KCNAB2: variants seen among roughly 807,000 people sequenced by gnomAD.
KCNAB2 encodes the protein voltage-gated potassium channel subunit beta-2.
KCNAB2 carries 29 observed loss-of-function variants against 63.6 expected under a neutral mutation model. The observed-to-expected ratio is 0.46, with a 90% CI of 0.34 to 0.62. The LOEUF (loss-of-function observed/expected upper bound fraction) is 0.62, where lower values mean the gene tolerates loss of function less well. KCNAB2 is among the 20% of genes least tolerant of loss of function. The probability of loss-of-function intolerance (pLI) is 0.01; values close to 1 mark genes in which losing one functional copy is unlikely to be tolerated. For synonymous variants in KCNAB2, 222 were observed against 224.2 expected, an observed-to-expected ratio of 0.99 and a Z score of 0.09; for missense variants, 359 against 563.9, an observed-to-expected ratio of 0.64 and a Z score of 3.68.
Position 6,097,362 on chromosome 1 carries a change from G to C in KCNAB2, c.1158+5G>C. Reference sequence around the variant, plus strand: ...GAGAACATTGGGGCAATACAGGTAAGAGTGAGAGGCCCTGCTGGGCAGAGG... The same window carrying C: ...GAGAACATTGGGGCAATACAGGTAACAGTGAGAGGCCCTGCTGGGCAGAGG... On this transcript the variant is annotated splice_donor_5th_base_variant and intron_variant, in intron 15 of 15. Coordinates refer to ENST00000378083, the MANE Select transcript of KCNAB2 (RefSeq NM_001199862.2). 3 of 1,551,506 alleles carry C rather than the reference G, an allele frequency of 1.9e-6. No homozygotes were observed. The South Asian group carries it at 3.6e-5, about 18-fold the overall frequency.
chr1:6,037,171 AC>A (rs768759537), intron 1 of KCNAB2, among the ~76,000 whole-genome samples: 2 of 152,002 alleles, frequency 1.3e-5, no homozygotes, highest in Admixed American at 1.3e-4. Context: ...AGATTCTTGG[AC>A]CCCCACCCTA....
intron 2 of KCNAB2, among the ~76,000 whole-genome samples, chr1:6,064,107 C>T (rs955203032): frequency 2.6e-5 from 4 of 152,174 alleles, no homozygotes; most frequent in Non-Finnish European, 4.4e-5. Flanking sequence ...GCAGAGAATG[C>T]GTAAGGAAGA....
At position 6,073,656 on chromosome 1, in the gene KCNAB2, G is replaced by A. The variant is rs1201526417; in HGVS notation, c.263-77G>A. 8 of 1,423,340 alleles carry A rather than the reference G, an allele frequency of 5.6e-6. No individual in the cohort carries two copies. The African/African-American group carries it at 7.0e-5, about 13-fold the overall frequency. The allele number at this position is 1,423,340 out of a possible 1,614,324, so 88.2% of individuals were successfully genotyped here. A position where few individuals can be genotyped will look rare whatever the true frequency, so the allele number is the denominator to read the frequency against. On this transcript the variant is annotated intron_variant, in intron 3 of 15. Coordinates refer to ENST00000378083, the MANE Select transcript of KCNAB2 (RefSeq NM_001199862.2). This position sits in a 1 kb window ranked among gnomAD's most constrained non-coding sequence, Gnocchi z 5.7. ...CTGTGGCTGCCCCCTGTGCCCTACAGCCTGAGGTCTGAGCACCGACGGGAT... is the reference window on the plus strand; with the variant it reads ...CTGTGGCTGCCCCCTGTGCCCTACAACCTGAGGTCTGAGCACCGACGGGAT...
chr1:6,080,615 A>T (rs74049393), intron 4 of KCNAB2, among the ~76,000 whole-genome samples: 1,959 of 152,194 alleles, frequency 0.013, 39 homozygotes, highest in African/African-American at 0.045. Context: ...ATGTTTGGGG[A>T]TGAGTGCCAG....
At chr1:6,030,280 G>C (rs1314087806), upstream of KCNAB2, among the ~76,000 whole-genome samples, 3 of 152,174 alleles carry the variant, frequency 2.0e-5, no homozygotes, top group Non-Finnish European at 4.4e-5. Context: ...GTCCAGGTGG[G>C]GTGGCTCTTG....
rs564835464 is a variant in KCNAB2, at chr1:6,025,461, GGAGGGGCCTCCCCAAGAAGGAAT to G, written c.-52-15031_-52-15009del. Among the ~76,000 whole-genome samples, 33 of 152,316 alleles carry G rather than the reference GGAGGGGCCTCCCCAAGAAGGAAT, an allele frequency of 2.2e-4. No homozygotes were observed. The South Asian group carries it at 4.3e-3, about 20-fold the overall frequency. Reference sequence around the variant, plus strand: ...GGCTCAGCAGCTGGCGTAGGAGGGAGGAGGGGCCTCCCCAAGAAGGAATGAGGGGCCTCCCCAAGAAGGAATGG... The same window carrying G: ...GGCTCAGCAGCTGGCGTAGGAGGGAGGAGGGGCCTCCCCAAGAAGGAATGG... On this transcript the variant is annotated intron_variant, in intron 1 of 16. Transcript: ENST00000341524.
chr1:6,043,118 A>G (rs79311709), upstream of KCNAB2, among the ~76,000 whole-genome samples: 4,760 of 152,262 alleles, frequency 0.031, 241 homozygotes, highest in African/African-American at 0.11. Context: ...ATCCTAACAA[A>G]CATATGCCGC....
chr1:6,052,692 T>G (rs1018090648), intron 2 of KCNAB2, among the ~76,000 whole-genome samples: 1 of 152,234 alleles, frequency 6.6e-6, no homozygotes, highest in African/African-American at 2.4e-5. Context: ...CTTTATCTTC[T>G]GTGCCTCTCA....
chr1:6,036,563 T>C (rs901163961), intron 1 of KCNAB2, among the ~76,000 whole-genome samples: 1 of 152,018 alleles, frequency 6.6e-6, no homozygotes, highest in Non-Finnish European at 1.5e-5. Flanking sequence ...AATAATAACT[T>C]ATTGGGTGCA....
At chr1:6,022,396 C>T (rs1032002883) in intron 1 of KCNAB2, among the ~76,000 whole-genome samples, 1 of 150,526 alleles carries the variant, frequency 6.6e-6, no homozygotes, top group Admixed American at 6.6e-5. Flanking sequence ...ATTGAGGGTA[C>T]AGCTCAGTGG....
Position 6,048,112 on chromosome 1 carries a change from C to T in KCNAB2, c.-27+1929C>T, listed in dbSNP as rs117316372. On this transcript the variant is annotated intron_variant, in intron 1 of 15. Coordinates refer to ENST00000378083, the MANE Select transcript of KCNAB2 (RefSeq NM_001199862.2). ...ACTCACATCCCCAAACTCAGCCTTCCACCATCTTGTTGTGAAGGGGGCGAT... is the reference window on the plus strand; with the variant it reads ...ACTCACATCCCCAAACTCAGCCTTCTACCATCTTGTTGTGAAGGGGGCGAT... Among the ~76,000 whole-genome samples, 19 of 152,356 alleles carry T rather than the reference C, an allele frequency of 1.2e-4. No homozygotes were observed. In the East Asian group the frequency reaches 3.7e-3, roughly 29 times the overall value.
chr1:6,014,626 G>A (rs1658378316), intron 1 of KCNAB2, among the ~76,000 whole-genome samples: 1 of 152,244 alleles, frequency 6.6e-6, no homozygotes, highest in South Asian at 2.1e-4. Flanking sequence ...AGGGCTGCGA[G>A]GATGCCTTGA....
intron 1 of KCNAB2, among the ~76,000 whole-genome samples, chr1:6,004,257 T>A (rs1657429542): frequency 6.6e-6 from 1 of 151,732 alleles, no homozygotes; most frequent in South Asian, 2.1e-4. Context: ...GACACGATCT[T>A]GCTGTGTTAC....
Position 6,017,314 on chromosome 1 carries a change from G to A in KCNAB2, c.-52-23203G>A, listed in dbSNP as rs1231966871. ...CACCCAGGATGGAGTGCAGTGGCAC[G>A]ATCTTAGCTCACTGCAACCTGAGGC... On this transcript the variant is annotated intron_variant, in intron 1 of 16. Transcript: ENST00000341524. Among the ~76,000 whole-genome samples, 9 of 152,080 alleles carry A rather than the reference G, an allele frequency of 5.9e-5. No individual in the cohort carries two copies. In the East Asian group the frequency reaches 1.2e-3, roughly 20 times the overall value.
At position 6,035,405 on chromosome 1, in the gene KCNAB2, G is replaced by A. The variant is rs570913251; in HGVS notation, c.-53+611G>A. Among the ~76,000 whole-genome samples, 6 of 152,298 alleles carry A rather than the reference G, an allele frequency of 3.9e-5. No homozygotes were observed. Among genetic ancestry groups the A allele is most frequent in the East Asian group, 1.9e-4 (1 of 5,184 alleles). On this transcript the variant is annotated intron_variant, in intron 1 of 15. Coordinates refer to the KCNAB2 transcript ENST00000164247. This position sits in a 1 kb window ranked among gnomAD's most constrained non-coding sequence, Gnocchi z 5.0. ...CCCTGGCCGCGTAGAGTCTGCCGGC[G>A]GGGGTGGAGGTGGGCGCAGGGAATG...
chr1:6,085,983 T>C, intron 6 of KCNAB2: 2 of 985,380 alleles, frequency 2.0e-6, no homozygotes, highest in Non-Finnish European at 2.4e-6. Context: ...TCCACCCTTC[T>C]CTCCCAGGAG....
intron 10 of KCNAB2, among the ~76,000 whole-genome samples, chr1:6,093,349 G>T (rs939710143): frequency 2.6e-5 from 4 of 152,250 alleles, no homozygotes; most frequent in Non-Finnish European, 5.9e-5. Context: ...CCCTCGCCCT[G>T]CAAAGCTCAG....
chr1:5,994,681 T>C lies in KCNAB2; in HGVS notation c.-53+1893T>C, dbSNP rs147330158. 1.9e-3 allele frequency among the ~76,000 whole-genome samples: 293 copies of C among 152,274 alleles called. No individual in the cohort carries two copies. Among genetic ancestry groups the C allele is most frequent in the African/African-American group, 6.4e-3 (265 of 41,544 alleles). ...TTGAGAACCGTCTTGGGTCTGGATT[T>C]GGAGCCTGGATGGGAAGCAGTGTGC... On this transcript the variant is annotated intron_variant, in intron 1 of 16. Transcript: ENST00000341524. This position sits in a 1 kb window ranked among gnomAD's most constrained non-coding sequence, Gnocchi z 5.4.
chr1:6,041,123 G>A (rs1395182583), upstream of KCNAB2: 1 of 158,560 alleles, frequency 6.3e-6, no homozygotes, highest in Non-Finnish European at 1.4e-5. Flanking sequence ...AAATGCTCCT[G>A]GGGCATCCTG....
Sources: gnomAD v4.1 joint callset for allele counts (sites outside exome capture counted in the v4.1 genomes callset) on GRCh38, gnomAD v4.1.1 for gene constraint, Gnocchi (gnomAD v3.1) non-coding constraint, MANE v1.5 for transcripts, NCBI Gene and HGNC (gene_info 2026-07-23, HGNC 2026-07-21) for gene names.